CDC14B: variants seen among roughly 807,000 people sequenced by gnomAD.
The protein encoded by CDC14B is dual specificity protein phosphatase CDC14B.
Under a neutral mutation model 64.2 loss-of-function variants are expected in CDC14B, and 22 were observed. The ratio of observed to expected loss-of-function variants is 0.34; its 90% CI spans 0.24 to 0.49. CDC14B has a LOEUF of 0.49. CDC14B is among the 20% of genes least tolerant of loss of function. The pLI is 0.99. For missense variants in CDC14B, 498 were observed against 629.9 expected (o/e 0.79, Z 2.24); for synonymous variants, 191 against 215.8 (o/e 0.89, Z 1.01).
In CDC14B at chr9:96,503,471, C is replaced by T. The variant is rs181584959; in HGVS notation, c.*282G>A. On this transcript the variant is annotated 3_prime_UTR_variant, in exon 14 of 14. Coordinates refer to ENST00000375241, the MANE Select transcript of CDC14B (RefSeq NM_033331.4). ...ACATGCACCACAGACCAGCCAGCTCCCTGGGTACCAGAGGGCTTGGGTATT... is the reference window on the plus strand; with the variant it reads ...ACATGCACCACAGACCAGCCAGCTCTCTGGGTACCAGAGGGCTTGGGTATT... The T allele has an allele frequency of 4.6e-3, 2,007 of 436,202 alleles. 10 individuals are homozygous for T. Among genetic ancestry groups the T allele is most frequent in the Middle Eastern group, 0.023 (38 of 1,662 alleles). 27.0% of individuals were successfully genotyped at this position (436,202 alleles called of 1,614,324 possible).
chr9:96,505,720 G>A (rs890937282), intron 13 of CDC14B, among the ~76,000 whole-genome samples: 2 of 152,210 alleles, frequency 1.3e-5, no homozygotes, highest in African/African-American at 4.8e-5. Flanking sequence ...CAGACTCAGG[G>A]AAGGGAATGA....
chr9:96,541,388 G>A lies in CDC14B; in HGVS notation c.564+438C>T, dbSNP rs1224323832. Among the ~76,000 whole-genome samples the A allele has an allele frequency of 3.9e-5, 6 of 152,194 alleles. No homozygotes were observed. The East Asian group carries it at 1.2e-3, about 29-fold the overall frequency. ...AATTCTGTTGAACTAGAAATTGAAC[G>A]CCTGACAAAACAAAAATGAAGTGTT... On this transcript the variant is annotated intron_variant, in intron 6 of 13. Transcript: ENST00000375241.
chr9:96,494,485 C>A (rs12238835), intron 13 of CDC14B, among the ~76,000 whole-genome samples: 2,136 of 152,328 alleles, frequency 0.014, 20 homozygotes, highest in Non-Finnish European at 0.022. Context: ...AAAGGCCTAG[C>A]GGCTCCTGCC....
chr9:96,528,432 G>T (rs945708761), intron 9 of CDC14B, among the ~76,000 whole-genome samples: 1 of 152,086 alleles, frequency 6.6e-6, no homozygotes. Flanking sequence ...TGAGGCAGGA[G>T]AATCACTTGA....
downstream of CDC14B, chr9:96,496,424 T>C (rs1833243197): frequency 2.2e-6 from 1 of 464,538 alleles, no homozygotes; most frequent in African/African-American, 2.0e-5. Context: ...AGGGCCTGTC[T>C]CAGGGCTTGA....
chr9:96,496,413 CAG>C (rs926085360), downstream of CDC14B: 28 of 473,902 alleles, frequency 5.9e-5, no homozygotes, highest in Non-Finnish European at 9.3e-5. Flanking sequence ...ACCACCACCA[CAG>C]GGCCTGTCTC....
rs912326902 is a variant in CDC14B, at chr9:96,500,115, G to A, written c.*3638C>T. 2 of 152,594 alleles carry A rather than the reference G, an allele frequency of 1.3e-5. No individual in the cohort carries two copies. The highest frequency in any genetic ancestry group is 2.4e-5 in the African/African-American group (1 of 41,428). The allele number at this position is 152,594 out of a possible 1,614,324, so 9.5% of individuals were successfully genotyped here. On this transcript the variant is annotated 3_prime_UTR_variant, in exon 14 of 14. Transcript: ENST00000375241. ...TAACACAATAAACAAAAAGGCTGTT[G>A]GGTTAATACTTTTAATTACATGATT...
chr9:96,596,183 G>A (rs1303288159), intron 1 of CDC14B, among the ~76,000 whole-genome samples: 4 of 151,998 alleles, frequency 2.6e-5, no homozygotes, highest in Non-Finnish European at 5.9e-5. Context: ...CCAACATGGT[G>A]AAACCCTGTC....
At chr9:96,589,998 C>T (rs906958026) in intron 1 of CDC14B, among the ~76,000 whole-genome samples, 1 of 151,068 alleles carries the variant, frequency 6.6e-6, no homozygotes, top group Non-Finnish European at 1.5e-5. Flanking sequence ...TGGTCAAAAA[C>T]AAACAACATA....
At position 96,523,647 on chromosome 9, in the gene CDC14B, G is replaced by T; in HGVS notation, c.1025C>A (p.Ala342Glu). The part of the protein sequence containing the change: ...HYRMTAAETI[A>E]WVRICRPGSV... Reference sequence around the variant, plus strand: ...GCCAGGTCTGCAGATCCTGACCCACGCAATGGTCTCGGCTGCTGTCATCCT... The same window carrying T: ...GCCAGGTCTGCAGATCCTGACCCACTCAATGGTCTCGGCTGCTGTCATCCT... The change falls in exon 10 of 14, where the codon GCG becomes GAG. Residue 342 changes from alanine to glutamate, a missense_variant. Ala to Glu is a moderately radical substitution (Grantham distance 107). Coordinates refer to ENST00000375241, the MANE Select transcript of CDC14B (RefSeq NM_033331.4). The T allele has an allele frequency of 6.2e-7, 1 of 1,614,082 alleles. No homozygotes were observed. The highest frequency in any genetic ancestry group is 8.5e-7 in the Non-Finnish European group (1 of 1,180,034).
chr9:96,512,083 G>T (rs1452620209), intron 12 of CDC14B, among the ~76,000 whole-genome samples: 1 of 151,744 alleles, frequency 6.6e-6, no homozygotes, highest in African/African-American at 2.4e-5. Context: ...GCCGGGCGTG[G>T]TGGGGCGTGC....
chr9:96,513,724 G>A (rs921388509), intron 12 of CDC14B, among the ~76,000 whole-genome samples: 9 of 152,294 alleles, frequency 5.9e-5, no homozygotes, highest in East Asian at 1.9e-4. Context: ...TGTCCACTCC[G>A]GACACCACAA....
chr9:96,614,601 T>C (rs1275936566), intron 1 of CDC14B, among the ~76,000 whole-genome samples: 1 of 152,186 alleles, frequency 6.6e-6, no homozygotes, highest in African/African-American at 2.4e-5. Context: ...TTAAATTTTT[T>C]TTTCCTGAGG....
At position 96,509,774 on chromosome 9, in the gene CDC14B, G is replaced by A. The variant is rs1334565263; in HGVS notation, c.1359C>T (p.Ser453=). ...CAGATGTTTTACAGCTCTGAACACT[G>A]GATTGAAGAATTACTCTGAAAATAG... ...NAIPLTVILQ[S]SVQSCKTSEP... is the part of the protein sequence containing the mutation. Residue 453 remains serine, a synonymous_variant, in exon 13 of 14, where the codon TCC becomes TCT. Coordinates refer to ENST00000375241, the MANE Select transcript of CDC14B (RefSeq NM_033331.4). 1 of 1,598,192 alleles carries A rather than the reference G, an allele frequency of 6.3e-7. No individual in the cohort carries two copies. The highest frequency in any genetic ancestry group is 8.6e-7 in the Non-Finnish European group (1 of 1,167,482).
At chr9:96,518,865 A>ACG (rs1554742247) in intron 12 of CDC14B, among the ~76,000 whole-genome samples, 15 of 152,096 alleles carry the variant, frequency 9.9e-5, no homozygotes, top group Non-Finnish European at 4.4e-5. Flanking sequence ...GGCCGGGTGC[A>ACG]GTGGCTCACA....
chr9:96,551,787 T>A lies in CDC14B; in HGVS notation c.497+9A>T, dbSNP rs539183956. The A allele has an allele frequency of 9.9e-5, 159 of 1,606,522 alleles. 1 individual carries two copies. The South Asian group carries it at 1.8e-3, about 18-fold the overall frequency. ...TTACCTGAATCTACCACATCATTCT[T>A]ATATTTACCTGAAAGGAATATAGGA... On this transcript the variant is annotated intron_variant, in intron 5 of 13. Transcript: ENST00000375241.
chr9:96,601,391 G>A (rs1231461165), intron 1 of CDC14B, among the ~76,000 whole-genome samples: 2 of 152,102 alleles, frequency 1.3e-5, no homozygotes, highest in Non-Finnish European at 2.9e-5. Context: ...CAGCTACTTG[G>A]GAGGCTGAGG....
chr9:96,547,762 T>C (rs1172064586), intron 5 of CDC14B, among the ~76,000 whole-genome samples: 1 of 152,052 alleles, frequency 6.6e-6, no homozygotes, highest in Non-Finnish European at 1.5e-5. Flanking sequence ...CTATACCAAG[T>C]GTTTTATATG....
At chr9:96,587,671 T>C (rs1845532560) in intron 1 of CDC14B, among the ~76,000 whole-genome samples, 1 of 152,182 alleles carries the variant, frequency 6.6e-6, no homozygotes, top group African/African-American at 2.4e-5. Flanking sequence ...CTTTCACCAG[T>C]CTGATGACAT....
Sources: allele counts gnomAD v4.1 joint callset (sites outside exome capture counted in the v4.1 genomes callset), GRCh38; gene constraint gnomAD v4.1.1; transcripts MANE v1.5; gene names NCBI Gene and HGNC (gene_info 2026-07-23, HGNC 2026-07-21).